Variants in TBC1D5 observed in about 807,000 individuals in gnomAD.
TBC1D5 encodes TBC1 domain family, member 5.
A neutral mutation model predicts 100.3 loss-of-function variants in TBC1D5; 75 were observed. The ratio of observed to expected loss-of-function variants is 0.75; its 90% confidence interval spans 0.62 to 0.91. The LOEUF is 0.91. Ranked by LOEUF, TBC1D5 falls within the 40% of genes least tolerant of loss-of-function variation. TBC1D5 has a pLI of 0.00. For missense variants in TBC1D5, 910 were observed against 942.4 expected, an observed-to-expected ratio of 0.97 and a Z score of 0.45; for synonymous variants, 323 against 325.6, an observed-to-expected ratio of 0.99 and a Z score of 0.09.
At chr3:17,333,964 G>A (rs946770945) in intron 13 of TBC1D5, among the ~76,000 whole-genome samples, 1 of 151,982 alleles carries the variant, frequency 6.6e-6, no homozygotes, top group Non-Finnish European at 1.5e-5. Context: ...AAATTCAAAG[G>A]AGTAATTAAA....
At position 17,725,212 on chromosome 3, in the gene TBC1D5, C is replaced by T. The variant is rs566887397; in HGVS notation, c.-101+14131G>A. Among the ~76,000 whole-genome samples, 87 of 152,132 alleles carry T rather than the reference C, an allele frequency of 5.7e-4. 1 individual carries two copies. The highest frequency in any genetic ancestry group is 2.0e-3 in the African/African-American group (85 of 41,516). ...ATGGAAAATTATTTGTGACAATTCC[C>T]TGGAGCCTAAAATTAAAATGTATTC... On this transcript the variant is annotated intron_variant, in intron 1 of 21. Coordinates refer to ENST00000253692, the Ensembl canonical transcript of TBC1D5.
intron 1 of TBC1D5, among the ~76,000 whole-genome samples, chr3:17,735,818 C>G (rs528310117): frequency 1.3e-5 from 2 of 152,184 alleles, no homozygotes; most frequent in Non-Finnish European, 2.9e-5. Context: ...CGACAGCAAA[C>G]AGCAGTGGTG....
At chr3:17,691,213 C>G (rs1336844070) in intron 1 of TBC1D5, among the ~76,000 whole-genome samples, 1 of 152,140 alleles carries the variant, frequency 6.6e-6, no homozygotes, top group Non-Finnish European at 1.5e-5. Flanking sequence ...AATGAGGAAC[C>G]ACAAAGATCT....
chr3:17,609,264 T>C (rs1470308986), intron 2 of TBC1D5, among the ~76,000 whole-genome samples: 1 of 152,240 alleles, frequency 6.6e-6, no homozygotes, highest in Admixed American at 6.5e-5. Context: ...CTATCCTCAC[T>C]TTCTGTATGG....
At chr3:17,703,892 T>C (rs1179641440) in intron 1 of TBC1D5, among the ~76,000 whole-genome samples, 3 of 113,310 alleles carry the variant, frequency 2.6e-5, no homozygotes, top group Non-Finnish European at 3.9e-5. Context: ...ATGTACCACA[T>C]TGATATTTGT....
chr3:17,476,657 A>G (rs2095441684), intron 3 of TBC1D5, among the ~76,000 whole-genome samples: 1 of 152,000 alleles, frequency 6.6e-6, no homozygotes, highest in African/African-American at 2.4e-5. Context: ...TGACTGAAAA[A>G]TACACTGAAT....
intron 13 of TBC1D5, among the ~76,000 whole-genome samples, chr3:17,367,837 C>T (rs749946318): frequency 2.0e-5 from 3 of 150,746 alleles, no homozygotes; most frequent in African/African-American, 7.3e-5. Context: ...CCAGCCTAGG[C>T]AACAGAGCAA....
At chr3:17,295,279 C>T (rs2082133201) in intron 14 of TBC1D5, among the ~76,000 whole-genome samples, 2 of 152,168 alleles carry the variant, frequency 1.3e-5, no homozygotes, top group Admixed American at 6.5e-5. Flanking sequence ...AGGCAAGCTG[C>T]CCAACTTCAC....
At chr3:17,390,894 C>A (rs1163680734) in intron 8 of TBC1D5, among the ~76,000 whole-genome samples, 2 of 152,116 alleles carry the variant, frequency 1.3e-5, no homozygotes, top group Admixed American at 6.6e-5. Context: ...TCTCCCTATT[C>A]AACCAAACCT....
intron 2 of TBC1D5, among the ~76,000 whole-genome samples, chr3:17,602,321 A>G (rs1278075040): frequency 2.6e-5 from 4 of 152,174 alleles, no homozygotes; most frequent in Admixed American, 6.5e-5. Flanking sequence ...CCATGCGCTC[A>G]TAACATTGAA....
intron 1 of TBC1D5, among the ~76,000 whole-genome samples, chr3:17,665,615 C>T (rs1309518972): frequency 1.3e-5 from 2 of 152,180 alleles, no homozygotes; most frequent in Non-Finnish European, 2.9e-5. Flanking sequence ...TGCAGCTGTG[C>T]ACCGGGTTAA....
At chr3:17,201,896 G>T (rs182477105) in intron 18 of TBC1D5, among the ~76,000 whole-genome samples, 1 of 152,172 alleles carries the variant, frequency 6.6e-6, no homozygotes, top group Non-Finnish European at 1.5e-5. Flanking sequence ...AGTAATATGA[G>T]AATGGACTAA....
chr3:17,428,607 T>G, intron 3 of TBC1D5, 88 bp from the exon 4 acceptor site: 1 of 558,596 alleles, frequency 1.8e-6, no homozygotes, highest in Non-Finnish European at 2.8e-6. Context: ...CGCAATATAT[T>G]AGCCAAAAAG....
At chr3:17,531,560 C>A (rs899413184) in intron 2 of TBC1D5, among the ~76,000 whole-genome samples, 1 of 152,182 alleles carries the variant, frequency 6.6e-6, no homozygotes, top group African/African-American at 2.4e-5. Flanking sequence ...AAGCTGGAGG[C>A]ATCATGCTAC....
rs115313260 is a variant in TBC1D5 at position 17,277,431 on chromosome 3, G to A, written c.1245+14464C>T. 3.3e-3 allele frequency among the ~76,000 whole-genome samples: 496 copies of A among 152,156 alleles called. 3 individuals are homozygous for A. The highest frequency in any genetic ancestry group is 0.01 in the African/African-American group (417 of 41,518). On this transcript the variant is annotated intron_variant, in intron 15 of 21. Coordinates refer to ENST00000253692, the Ensembl canonical transcript of TBC1D5. ...AAAGTCAAAGGTCAACTTCATTATA[G>A]AATAGTAATTATTATTATTATTGTT... is the stretch of plus-strand genomic sequence containing the variant.
chr3:17,290,780 A>G (rs1403854631), intron 15 of TBC1D5, among the ~76,000 whole-genome samples: 1 of 152,190 alleles, frequency 6.6e-6, no homozygotes, highest in African/African-American at 2.4e-5. Context: ...ACCAGAAAAA[A>G]GTATGCTTCC....
At chr3:17,576,713 G>T (rs184938212) in intron 2 of TBC1D5, among the ~76,000 whole-genome samples, 2 of 151,898 alleles carry the variant, frequency 1.3e-5, no homozygotes, top group Non-Finnish European at 2.9e-5. Context: ...ATAGTAGCAC[G>T]TGTATACACA....
In TBC1D5 at chr3:17,530,243, C is replaced by CAA. The variant is rs57879135; in HGVS notation, c.-35-21640_-35-21639dup. Among the ~76,000 whole-genome samples the CAA allele has an allele frequency of 9.0e-3, 535 of 59,688 alleles. 5 individuals are homozygous for CAA. Among genetic ancestry groups the CAA allele is most frequent in the African/African-American group, 0.019 (361 of 19,238 alleles). The allele number at this position is 59,688 out of a possible 152,430, so 39.2% of individuals were successfully genotyped here. A position where few individuals can be genotyped will look rare whatever the true frequency, so the allele number is the denominator to read the frequency against. ...TGGGCGACAGAGCGAGACTTCGTCT[C>CAA]AAAAAAAAAAAAAAAAAAAGGGAAA... On this transcript the variant is annotated intron_variant, in intron 2 of 21. Coordinates refer to ENST00000253692, the Ensembl canonical transcript of TBC1D5.
chr3:17,539,269 T>C (rs1301101167), intron 2 of TBC1D5, among the ~76,000 whole-genome samples: 12 of 152,166 alleles, frequency 7.9e-5, no homozygotes, highest in Admixed American at 2.0e-4. Context: ...ATGGTTCTTA[T>C]TATGCAGATG....
Sources: gnomAD v4.1 joint callset for allele counts (sites outside exome capture counted in the v4.1 genomes callset) on GRCh38, gnomAD v4.1.1 for gene constraint, MANE v1.5 for transcripts, NCBI Gene and HGNC (gene_info 2026-07-23, HGNC 2026-07-21) for gene names.